UBN2: variants seen among roughly 807,000 people sequenced by gnomAD.
UBN2 encodes the protein ubinuclein 2, also known as ubinuclein-2.
A neutral mutation model predicts 120.2 loss-of-function variants in UBN2; 35 were observed. The observed-to-expected ratio is 0.29, with a 90% CI of 0.22 to 0.39. The LOEUF (loss-of-function observed/expected upper bound fraction) is 0.39. Among genes scored for constraint, UBN2 ranks in the 10% least tolerant of loss-of-function variants. The pLI, the probability that UBN2 is intolerant of heterozygous loss-of-function variation, is 1.00. For synonymous variants in UBN2, 661 were observed against 648.7 expected (o/e 1.02, Z -0.29); for missense variants, 1,693 against 1,663.2 (o/e 1.02, Z -0.31).
chr7:139,306,226 A>G lies in UBN2; in HGVS notation c.*8390A>G, dbSNP rs1373516453. ...AGTTGACATGTTTTTCTGTGTGGCA[A>G]CCTGCCCTTAAATTGTCAGATCTTA... On this transcript the variant is annotated 3_prime_UTR_variant, in exon 18 of 18. Coordinates refer to ENST00000473989, the MANE Select transcript of UBN2 (RefSeq NM_173569.4). The G allele has an allele frequency of 1.3e-5, 2 of 152,180 alleles. No individual in the cohort carries two copies. Among genetic ancestry groups the G allele is most frequent in the African/African-American group, 4.8e-5 (2 of 41,440 alleles). 9.4% of individuals were successfully genotyped at this position (152,180 alleles called of 1,614,324 possible).
At chr7:139,279,486 T>A in intron 13 of UBN2, 126 bp downstream of exon 13, 1 of 664,732 alleles carries the variant, frequency 1.5e-6, no homozygotes, top group Non-Finnish European at 2.5e-6. Flanking sequence ...TGTTTTCAAC[T>A]TCATAATAAT....
downstream of UBN2, among the ~76,000 whole-genome samples, chr7:139,311,410 G>A (rs747484641): frequency 4.6e-5 from 7 of 152,152 alleles, 1 homozygote; most frequent in Admixed American, 6.5e-5. Context: ...GTAGGGTGGC[G>A]TGGTGTGAAG....
rs200304205 is a variant in UBN2 at position 139,268,292 on chromosome 7, AT to A, written c.1467-1092del. Among the ~76,000 whole-genome samples, 494 of 150,050 alleles carry A rather than the reference AT, an allele frequency of 3.3e-3. 5 individuals are homozygous for A. The highest frequency in any genetic ancestry group is 0.02 in the Admixed American group (301 of 15,034). On this transcript the variant is annotated intron_variant, in intron 7 of 17. Transcript: ENST00000473989. ...CACAAGTACTAGTGTTCTGAGTTGAATTTTTTTTTTCCCTTTTAGTCACTTT... is the reference window on the plus strand; with the variant it reads ...CACAAGTACTAGTGTTCTGAGTTGAATTTTTTTTTCCCTTTTAGTCACTTT...
chr7:139,252,424 A>C (rs1796647144), intron 3 of UBN2, among the ~76,000 whole-genome samples: 1 of 152,222 alleles, frequency 6.6e-6, no homozygotes, highest in Admixed American at 6.5e-5. Context: ...ATACCTAAAG[A>C]ATTAGCATGG....
rs1318233228 is a variant in UBN2 at position 139,283,044 on chromosome 7, C to T, written c.2139C>T (p.Asp713=). The stretch of plus-strand genomic sequence containing the variant: ...ATTAGGAGTGTAGTCCAAAAAAGGA[C>T]CAGAAAACTCCAACATCCCTGGTGG... ...TMLKECSPKK[D]QKTPTSLVAS... The change falls in exon 15 of 18, where the codon GAC becomes GAT. Residue 713 remains aspartate (D), a synonymous_variant. Coordinates refer to ENST00000473989, the MANE Select transcript of UBN2 (RefSeq NM_173569.4). The T allele has an allele frequency of 1.2e-6, 2 of 1,600,242 alleles. No homozygotes were observed. Among genetic ancestry groups the T allele is most frequent in the African/African-American group, 2.7e-5 (2 of 73,884 alleles).
intron 9 of UBN2, 92 bp downstream of exon 9, chr7:139,272,532 A>ATGTATGTATGTG (rs1797311366): frequency 2.3e-6 from 2 of 872,196 alleles, no homozygotes; most frequent in East Asian, 2.6e-5. Context: ...GTATGTATGT[A>ATGTATGTATGTG]TGTATGTATT....
At chr7:139,233,449 A>G (rs1796081092) in intron 1 of UBN2, among the ~76,000 whole-genome samples, 1 of 152,218 alleles carries the variant, frequency 6.6e-6, no homozygotes, top group Admixed American at 6.5e-5. Flanking sequence ...GGATAAAAAT[A>G]CATAGCAATA....
chr7:139,296,054 C>G (rs894437499), intron 17 of UBN2, among the ~76,000 whole-genome samples: 2 of 152,224 alleles, frequency 1.3e-5, no homozygotes, highest in Non-Finnish European at 2.9e-5. Flanking sequence ...CCATCACTTT[C>G]TCTTGCTTGT....
chr7:139,263,523 C>G (rs1333167461), intron 6 of UBN2, among the ~76,000 whole-genome samples: 1 of 152,108 alleles, frequency 6.6e-6, no homozygotes, highest in Non-Finnish European at 1.5e-5. Context: ...CCTGTAATCC[C>G]AGCACTTTGG....
At chr7:139,318,662 A>AT in the UBN2 span, among the ~76,000 whole-genome samples, 80 of 151,470 alleles carry the variant, frequency 5.3e-4, 1 homozygote, top group East Asian at 7.7e-4. Flanking sequence ...TACCCAGCTA[A>AT]TTTTTTTTTA....
chr7:139,269,362 T>A (rs749011404), intron 7 of UBN2, 32 bp from the exon 8 acceptor site: 30 of 1,608,738 alleles, frequency 1.9e-5, no homozygotes, highest in South Asian at 1.0e-4. Flanking sequence ...ATAAATTCTA[T>A]ACTGTTCATT....
chr7:139,257,062 C>T (rs572112038), intron 3 of UBN2, among the ~76,000 whole-genome samples: 4 of 152,302 alleles, frequency 2.6e-5, no homozygotes, highest in East Asian at 3.9e-4. Context: ...TGAAGAACCT[C>T]GGAAGTAGAG....
chr7:139,319,617 C>T, the UBN2 span, among the ~76,000 whole-genome samples: 2 of 152,116 alleles, frequency 1.3e-5, no homozygotes, highest in African/African-American at 4.8e-5. Flanking sequence ...ATAAAAATTC[C>T]AGCCTCTAGG....
intron 2 of UBN2, among the ~76,000 whole-genome samples, chr7:139,238,497 C>T (rs1369840397): frequency 2.6e-5 from 4 of 152,140 alleles, no homozygotes; most frequent in Non-Finnish European, 4.4e-5. Context: ...GATCTTGGCT[C>T]ACTGTAACCT....
Position 139,283,063 on chromosome 7 carries a change from C to G in UBN2, c.2158C>G (p.Leu720Val), listed in dbSNP as rs918634014. 4 of 1,611,828 alleles carry G rather than the reference C, an allele frequency of 2.5e-6. No homozygotes were observed. In the African/African-American group the frequency reaches 5.4e-5, roughly 22 times the overall value. ...PKKDQKTPTS[L>V]VASVSGPPTS... The stretch of plus-strand genomic sequence containing the variant: ...AAAGGACCAGAAAACTCCAACATCC[C>G]TGGTGGCTTCGGTTAGCGGTCCTCC... Residue 720 changes from leucine to valine, a missense_variant, in exon 15 of 18, where the codon CTG (leucine) becomes GTG (valine). Physicochemically the swap from Leu to Val is conservative, Grantham distance 32 (BLOSUM62 1). Around this residue, in one of 5 missense-constraint regions of UBN2, gnomAD observed 837 missense variants for 817.6 expected, o/e 1.02. Transcript: ENST00000473989.
At chr7:139,271,659 T>C (rs1797279049) in intron 8 of UBN2, among the ~76,000 whole-genome samples, 1 of 152,222 alleles carries the variant, frequency 6.6e-6, no homozygotes, top group Non-Finnish European at 1.5e-5. Flanking sequence ...GATAAAAGTA[T>C]GTTTTAAGTA....
At chr7:139,269,242 A>G in intron 7 of UBN2, 152 bp from the exon 8 acceptor site, 5 of 717,248 alleles carry the variant, frequency 7.0e-6, no homozygotes, top group South Asian at 2.8e-5. Flanking sequence ...GTTTATTGCT[A>G]TGGGTTTTTT....
At chr7:139,259,158 G>A (rs2130977019) in intron 4 of UBN2, 109 bp from the exon 5 acceptor site, 2 of 1,477,942 alleles carry the variant, frequency 1.4e-6, no homozygotes, top group East Asian at 2.4e-5. Context: ...ACAAACGATT[G>A]TAATGCACAC....
intron 12 of UBN2, chr7:139,277,235 G>C (rs558618471): frequency 1.3e-5 from 2 of 152,070 alleles, no homozygotes; most frequent in Non-Finnish European, 2.9e-5. Flanking sequence ...TAGTTTTTAG[G>C]AAGGACAGTT....
Sources: allele counts gnomAD v4.1 joint callset (sites outside exome capture counted in the v4.1 genomes callset), GRCh38; gene constraint gnomAD v4.1.1; regional missense constraint gnomAD v4.1.1; transcripts MANE v1.5; gene names NCBI Gene and HGNC (gene_info 2026-07-23, HGNC 2026-07-21).